CEP131: variants seen among roughly 807,000 people sequenced by gnomAD.
CEP131 encodes the protein centrosomal protein 131, also known as centrosomal protein of 131 kDa.
A neutral mutation model predicts 136.8 loss-of-function variants in CEP131; 99 were observed. The ratio of observed to expected loss-of-function variants is 0.72; its 90% confidence interval spans 0.62 to 0.86. CEP131 has a LOEUF of 0.86. CEP131 is among the 40% of genes least tolerant of loss of function. CEP131 has a pLI of 0.00. For missense variants in CEP131, 1,459 were observed against 1,463.0 expected, an observed-to-expected ratio of 1.00 and a Z score of 0.04; for synonymous variants, 646 against 612.7, an observed-to-expected ratio of 1.05 and a Z score of -0.80.
At chr17:81,196,874 G>C in intron 14 of CEP131, 48 bp from the exon 15 acceptor site, 2 of 1,603,638 alleles carry the variant, frequency 1.2e-6, no homozygotes, top group African/African-American at 1.3e-5. Context: ...GGTGGGCCTG[G>C]CCTCAGCAGG....
chr17:81,196,178 T>C (rs1055372389), intron 15 of CEP131, among the ~76,000 whole-genome samples: 1 of 152,122 alleles, frequency 6.6e-6, no homozygotes, highest in Admixed American at 6.5e-5. Flanking sequence ...ACCCGGCGAA[T>C]GTCAGAGAAG....
chr17:81,193,932 C>G lies in CEP131; in HGVS notation c.2315G>C (p.Arg772Pro). The G allele has an allele frequency of 6.5e-7, 1 of 1,535,240 alleles. No homozygotes were observed. Among genetic ancestry groups the G allele is most frequent in the Non-Finnish European group, 8.8e-7 (1 of 1,142,086 alleles). The change falls in exon 18 of 26, where the codon CGG becomes CCG. Residue 772 changes from arginine to proline, a missense_variant. By Grantham distance (103) the Arg-to-Pro change is moderately radical. This residue lies in a region of CEP131 where 1,026 missense variants were observed against 964.2 expected (regional missense o/e 1.06). Coordinates refer to ENST00000450824, the MANE Select transcript of CEP131 (RefSeq NM_014984.4). ...ALGQQERERA[R>P]QRFQQHLEQE... ...GCCTGGGGCCACCACCCACCGCTGC[C>G]GAGCACGTTCGCGCTCCTGCTGGCC...
In CEP131 at chr17:81,193,913, G is replaced by T; in HGVS notation, c.2321+13C>A. On this transcript the variant is annotated intron_variant, in intron 18 of 25. Coordinates refer to ENST00000450824, the MANE Select transcript of CEP131 (RefSeq NM_014984.4). ...GAGGGTCCTGGCCCCACCGGCCTGG[G>T]GCCACCACCCACCGCTGCCGAGCAC... 1 of 1,532,512 alleles carries T rather than the reference G, an allele frequency of 6.5e-7. No individual in the cohort carries two copies. The highest frequency in any genetic ancestry group is 1.2e-5 in the South Asian group (1 of 83,620). 94.9% of individuals were successfully genotyped at this position (1,532,512 alleles called of 1,614,324 possible).
At chr17:81,210,886 A>G (rs1327754546) in intron 2 of CEP131, among the ~76,000 whole-genome samples, 1 of 151,150 alleles carries the variant, frequency 6.6e-6, no homozygotes, top group Admixed American at 6.6e-5. Context: ...CCACCAGGAC[A>G]CCCCAATCAC....
Position 81,203,024 on chromosome 17 carries a change from G to A in CEP131, c.629+470C>T, listed in dbSNP as rs2061928308. On this transcript the variant is annotated intron_variant, in intron 6 of 25. Transcript: ENST00000450824. This position sits in a 1 kb window ranked among gnomAD's most constrained non-coding sequence, Gnocchi z 4.6. Reference sequence around the variant, plus strand: ...AAAGTCACAGGAGTCCAGAGCCTGAGGGACCCCTGAGCAACCCCAAGGCCA... The same window carrying A: ...AAAGTCACAGGAGTCCAGAGCCTGAAGGACCCCTGAGCAACCCCAAGGCCA... 2.0e-5 allele frequency among the ~76,000 whole-genome samples: 3 copies of A among 152,082 alleles called. No homozygotes were observed. The highest frequency in any genetic ancestry group is 1.3e-4 in the Admixed American group (2 of 15,272).
At chr17:81,218,857 C>T (rs2146752254) in intron 2 of CEP131, among the ~76,000 whole-genome samples, 1 of 152,364 alleles carries the variant, frequency 6.6e-6, no homozygotes, top group Middle Eastern at 3.4e-3. Context: ...CCAGGGGTTC[C>T]TGTGGGAAGC....
chr17:81,208,341 C>T lies in CEP131; in HGVS notation c.272+587G>A, dbSNP rs1385358433. 5.9e-5 allele frequency among the ~76,000 whole-genome samples: 9 copies of T among 152,208 alleles called. No homozygotes were observed. The highest frequency in any genetic ancestry group is 3.3e-4 in the Admixed American group (5 of 15,278). Reference sequence around the variant, plus strand: ...CACGGCCCCACAGGAGCACCCTGCTCGCTCGGGGACAATGCCTGGTGGGAG... The same window carrying T: ...CACGGCCCCACAGGAGCACCCTGCTTGCTCGGGGACAATGCCTGGTGGGAG... On this transcript the variant is annotated intron_variant, in intron 3 of 25. Coordinates refer to ENST00000450824, the MANE Select transcript of CEP131 (RefSeq NM_014984.4). This position sits in a 1 kb window ranked among gnomAD's most constrained non-coding sequence, Gnocchi z 5.6.
intron 15 of CEP131, 88 bp downstream of exon 15, chr17:81,196,613 G>A: frequency 2.0e-6 from 3 of 1,499,822 alleles, no homozygotes; most frequent in Non-Finnish European, 2.7e-6. Flanking sequence ...AGAGGAAGAA[G>A]CTCCCTGGCA....
chr17:81,219,954 T>A lies in CEP131; in HGVS notation c.103A>T (p.Ser35Cys), dbSNP rs766255571. The A allele has an allele frequency of 6.2e-6, 10 of 1,612,146 alleles. No homozygotes were observed. The highest frequency in any genetic ancestry group is 8.5e-6 in the Non-Finnish European group (10 of 1,179,236). Residue 35 changes from serine to cysteine, a missense_variant, in exon 2 of 26, where the codon AGT becomes TGT. By Grantham distance (112) the Ser-to-Cys change is moderately radical. Coordinates refer to ENST00000450824, the MANE Select transcript of CEP131 (RefSeq NM_014984.4). This position sits in a 1 kb window ranked among gnomAD's most constrained non-coding sequence, Gnocchi z 4.0. ...ACGATGGGCTTGGTGGTGGCGGCAC[T>A]GCCAGGACGCCGGGACACAGGCGGA... is the stretch of plus-strand genomic sequence containing the variant. ...LPPPVSRRPG[S>C]AATTKPIVRS...
At position 81,190,673 on chromosome 17, in the gene CEP131, G is replaced by C. The variant is rs756185994; in HGVS notation, c.3073C>G (p.Arg1025Gly). 2 of 1,599,708 alleles carry C rather than the reference G, an allele frequency of 1.3e-6. No individual in the cohort carries two copies. The highest frequency in any genetic ancestry group is 1.7e-6 in the Non-Finnish European group (2 of 1,175,616). ...AKAELATLQA[R>G]QQLELEEVHR... Reference sequence around the variant, plus strand: ...ACCTCCTCCAGCTCCAGCTGCTGGCGGGCCTGCAGCGTGGCCAGCTCGGCC... The same window carrying C: ...ACCTCCTCCAGCTCCAGCTGCTGGCCGGCCTGCAGCGTGGCCAGCTCGGCC... Residue 1025 changes from arginine (R) to glycine (G), a missense_variant, in exon 24 of 26, where the codon CGC (arginine) becomes GGC (glycine). By Grantham distance (125) the Arg-to-Gly change is moderately radical. Transcript: ENST00000450824.
intron 8 of CEP131, 54 bp downstream of exon 8, chr17:81,200,275 T>G: frequency 7.1e-7 from 1 of 1,403,356 alleles, no homozygotes; most frequent in Non-Finnish European, 9.9e-7. Flanking sequence ...ACCCCTGGGA[T>G]TCTGGGCCAG....
intron 1 of CEP131, among the ~76,000 whole-genome samples, chr17:81,220,752 C>T (rs561380905): frequency 1.3e-5 from 2 of 152,076 alleles, no homozygotes; most frequent in East Asian, 2.0e-4. Flanking sequence ...TCGCCTGCCT[C>T]GGCCTCCCAA....
intron 13 of CEP131, 149 bp from the exon 14 acceptor site, chr17:81,197,204 C>T (rs114373402): frequency 1.2e-3 from 1,474 of 1,210,576 alleles, no homozygotes; most frequent in African/African-American, 7.5e-3. Flanking sequence ...AGGTGGCAGG[C>T]GGCCCAGCAG....
chr17:81,203,371 C>T lies in CEP131; in HGVS notation c.629+123G>A. On this transcript the variant is annotated intron_variant, in intron 6 of 25. Transcript: ENST00000450824. This position sits in a 1 kb window ranked among gnomAD's most constrained non-coding sequence, Gnocchi z 4.6. ...ATGCACACTGACCGCATGCCCTGACCAAGGTAGAACCCTGTGTGAACTGAC... is the reference window on the plus strand; with the variant it reads ...ATGCACACTGACCGCATGCCCTGACTAAGGTAGAACCCTGTGTGAACTGAC... The T allele has an allele frequency of 2.6e-6, 2 of 756,678 alleles. No individual in the cohort carries two copies. Among genetic ancestry groups the T allele is most frequent in the East Asian group, 5.4e-5 (2 of 36,858 alleles). 46.9% of individuals were successfully genotyped at this position (756,678 alleles called of 1,614,324 possible).
At chr17:81,192,623 G>T in intron 19 of CEP131, 30 bp from the exon 20 acceptor site, 1 of 1,586,668 alleles carries the variant, frequency 6.3e-7, no homozygotes, top group Non-Finnish European at 8.5e-7. Context: ...AGCAGGTGAG[G>T]GGTCATCGAG....
intron 1 of CEP131, among the ~76,000 whole-genome samples, chr17:81,220,737 G>A (rs2062368952): frequency 6.6e-6 from 1 of 151,998 alleles, no homozygotes; most frequent in Admixed American, 6.5e-5. Context: ...CTGACCTCAG[G>A]TGATTCGCCT....
In CEP131 at chr17:81,219,041, C is replaced by T. The variant is rs569286412; in HGVS notation, c.177+839G>A. ...CTGCCCCAACCCCCACAGAGCGGCTCGATTCCTCCCTTGCCCCAAAGACTG... is the reference window on the plus strand; with the variant it reads ...CTGCCCCAACCCCCACAGAGCGGCTTGATTCCTCCCTTGCCCCAAAGACTG... On this transcript the variant is annotated intron_variant, in intron 2 of 25. Transcript: ENST00000450824. This position sits in a 1 kb window ranked among gnomAD's most constrained non-coding sequence, Gnocchi z 4.0. Among the ~76,000 whole-genome samples the T allele has an allele frequency of 6.6e-6, 1 of 152,312 alleles. No homozygotes were observed. Among genetic ancestry groups the T allele is most frequent in the East Asian group, 1.9e-4 (1 of 5,168 alleles).
At position 81,202,478 on chromosome 17, in the gene CEP131, G is replaced by A. The variant is rs556726017; in HGVS notation, c.630-80C>T. The A allele has an allele frequency of 4.0e-5, 60 of 1,511,728 alleles. No individual in the cohort carries two copies. In the Middle Eastern group the frequency reaches 5.2e-4, roughly 13 times the overall value. The allele number at this position is 1,511,728 out of a possible 1,614,324, so 93.6% of individuals were successfully genotyped here. On this transcript the variant is annotated intron_variant, in intron 6 of 25. Coordinates refer to ENST00000450824, the MANE Select transcript of CEP131 (RefSeq NM_014984.4). ...CCACAGGCAGCAGGTGCCCACTCCC[G>A]GAAGTCCCAGGACTGAGCCTGGAAG...
intron 2 of CEP131, among the ~76,000 whole-genome samples, chr17:81,211,872 G>A (rs1030587905): frequency 2.0e-5 from 3 of 148,030 alleles, no homozygotes; most frequent in African/African-American, 5.0e-5. Context: ...ATTAGAGGTT[G>A]TAGTGAGCTA....
Sources: allele counts gnomAD v4.1 joint callset (sites outside exome capture counted in the v4.1 genomes callset), GRCh38; gene constraint gnomAD v4.1.1; regional missense constraint gnomAD v4.1.1; non-coding constraint Gnocchi (gnomAD v3.1); transcripts MANE v1.5; gene names NCBI Gene and HGNC (gene_info 2026-07-23, HGNC 2026-07-21).